Variants in KPNA7 observed in about 807,000 individuals in gnomAD.
The protein encoded by KPNA7 is karyopherin subunit alpha 7.
Under a neutral mutation model 53.7 loss-of-function variants are expected in KPNA7, and 54 were observed. That is an observed-to-expected ratio of 1.01 (90% CI 0.81 to 1.26). The LOEUF is 1.26. Among genes scored for constraint, KPNA7 ranks in the 50% most tolerant of loss-of-function variants. The pLI is 0.00. For missense variants in KPNA7, 640 were observed against 644.5 expected (o/e 0.99, Z 0.07); for synonymous variants, 276 against 259.3 (o/e 1.06, Z -0.62).
intron 7 of KPNA7, among the ~76,000 whole-genome samples, chr7:99,186,610 G>A (rs1050264515): frequency 6.6e-6 from 1 of 152,068 alleles, no homozygotes; most frequent in South Asian, 2.1e-4. Context: ...GGGTGTGGTG[G>A]TGCACACCTG....
At chr7:99,181,127 CTCTCCGTCTGTG>C (rs1288119396) in intron 9 of KPNA7, among the ~76,000 whole-genome samples, 1 of 65,284 alleles carries the variant, frequency 1.5e-5, no homozygotes, top group Non-Finnish European at 3.7e-5. Flanking sequence ...CTGTGTCTCT[CTCTCCGTCTGTG>C]TCTCTCTCTC....
chr7:99,188,166 C>A, intron 7 of KPNA7, 134 bp downstream of exon 7: 1 of 805,232 alleles, frequency 1.2e-6, no homozygotes, highest in African/African-American at 2.5e-5. Context: ...CAGAGCAAGA[C>A]TCTGTCTCAA....
At chr7:99,210,621 G>A (rs144234758), upstream of KPNA7, among the ~76,000 whole-genome samples, 112 of 152,186 alleles carry the variant, frequency 7.4e-4, no homozygotes, top group Non-Finnish European at 1.2e-3. Flanking sequence ...GTCTTGCTCC[G>A]TTGCCCAGGC....
chr7:99,180,525 ATC>A (rs1206778922), intron 9 of KPNA7, among the ~76,000 whole-genome samples: 15 of 110,930 alleles, frequency 1.4e-4, no homozygotes, highest in East Asian at 1.1e-3. Context: ...CTGTGTCTCT[ATC>A]TCTCTGTCTC....
chr7:99,176,044 T>C (rs192819668), intron 10 of KPNA7, among the ~76,000 whole-genome samples: 1,601 of 152,082 alleles, frequency 0.011, 27 homozygotes, highest in African/African-American at 0.037. Flanking sequence ...ACGCCTGTAA[T>C]CCCAGCACTT....
chr7:99,208,363 C>T (rs1156662819), upstream of KPNA7, among the ~76,000 whole-genome samples: 1 of 152,204 alleles, frequency 6.6e-6, no homozygotes, highest in African/African-American at 2.4e-5. Context: ...TCACGCCATT[C>T]TCCTACCTCA....
chr7:99,178,121 G>C (rs1397411868), intron 9 of KPNA7, 55 bp from the exon 10 acceptor site: 1 of 1,511,326 alleles, frequency 6.6e-7, no homozygotes, highest in African/African-American at 1.4e-5. Context: ...TTGGGGGATA[G>C]GGACTCTGTC....
intron 7 of KPNA7, among the ~76,000 whole-genome samples, chr7:99,185,401 C>T (rs1469578126): frequency 6.6e-6 from 1 of 152,164 alleles, no homozygotes; most frequent in Non-Finnish European, 1.5e-5. Flanking sequence ...GGCTGGAATG[C>T]AGTGGCATGA....
At chr7:99,187,041 C>A (rs1789630055) in intron 7 of KPNA7, among the ~76,000 whole-genome samples, 1 of 151,894 alleles carries the variant, frequency 6.6e-6, no homozygotes, top group Non-Finnish European at 1.5e-5. Context: ...AACCCCAGCA[C>A]TTTGGGAGGC....
intron 6 of KPNA7, among the ~76,000 whole-genome samples, chr7:99,189,085 GTTTCCTTTGTC>G (rs1055521933): frequency 6.6e-6 from 1 of 152,138 alleles, no homozygotes; most frequent in African/African-American, 2.4e-5. Context: ...TTAGATGGAG[GTTTCCTTTGTC>G]TTTCAAAATG....
chr7:99,201,365 T>TA (rs1270585057), intron 3 of KPNA7, among the ~76,000 whole-genome samples: 1 of 151,936 alleles, frequency 6.6e-6, no homozygotes, highest in Non-Finnish European at 1.5e-5. Context: ...TTCATTTCTT[T>TA]AAAAAATATG....
chr7:99,156,307 TTTC>T, the KPNA7 span, among the ~76,000 whole-genome samples: 8 of 152,234 alleles, frequency 5.3e-5, no homozygotes, highest in Non-Finnish European at 1.2e-4. Context: ...ACTTGGAATT[TTTC>T]TATCATTCAG....
At position 99,190,544 on chromosome 7, in the gene KPNA7, G is replaced by A. The variant is rs375164808; in HGVS notation, c.637-1981C>T. On this transcript the variant is annotated intron_variant, in intron 6 of 10. Coordinates refer to ENST00000327442, the MANE Select transcript of KPNA7 (RefSeq NM_001145715.3). ...TAGGTCAGGGGTTGAAAACTTTTTC[G>A]GTAAAGGGCCAGATCTTAAACATTT... 2.7e-3 allele frequency among the ~76,000 whole-genome samples: 409 copies of A among 152,188 alleles called. 3 individuals are homozygous for A. The highest frequency in any genetic ancestry group is 9.3e-3 in the African/African-American group (385 of 41,536).
the KPNA7 span, among the ~76,000 whole-genome samples, chr7:99,160,320 C>T: frequency 6.6e-6 from 1 of 152,078 alleles, no homozygotes; most frequent in African/African-American, 2.4e-5. Flanking sequence ...GCCACGCACC[C>T]GGCCTCTCCT....
the KPNA7 span, among the ~76,000 whole-genome samples, chr7:99,165,622 C>A: frequency 3.8e-4 from 58 of 152,238 alleles, no homozygotes; most frequent in African/African-American, 1.1e-3. Context: ...ACCCAAACAC[C>A]GTTTCTCTTC....
the KPNA7 span, among the ~76,000 whole-genome samples, chr7:99,166,511 C>T: frequency 6.6e-6 from 1 of 152,102 alleles, no homozygotes; most frequent in Non-Finnish European, 1.5e-5. Context: ...GATGGGGTTT[C>T]ACCATGTTGG....
downstream of KPNA7, among the ~76,000 whole-genome samples, chr7:99,168,870 CATT>C (rs1455558317): frequency 6.6e-6 from 1 of 152,188 alleles, no homozygotes; most frequent in Non-Finnish European, 1.5e-5. Context: ...TAGCCCTTGA[CATT>C]AGTTTCCTTC....
At chr7:99,155,069 A>G in the KPNA7 span, among the ~76,000 whole-genome samples, 3 of 152,268 alleles carry the variant, frequency 2.0e-5, no homozygotes, top group African/African-American at 7.2e-5. Context: ...ACATATGCAC[A>G]TATATTTATT....
At chr7:99,148,984 C>T in the KPNA7 span, among the ~76,000 whole-genome samples, 1 of 151,270 alleles carries the variant, frequency 6.6e-6, no homozygotes, top group African/African-American at 2.4e-5. Flanking sequence ...CAACTTCCAC[C>T]TCCCAGATTC....
Sources: allele counts gnomAD v4.1 joint callset (sites outside exome capture counted in the v4.1 genomes callset), GRCh38; gene constraint gnomAD v4.1.1; transcripts MANE v1.5; gene names NCBI Gene and HGNC (gene_info 2026-07-23, HGNC 2026-07-21).